The following FMN2 variants were observed in gnomAD, a reference collection of about 807,000 sequenced individuals.
FMN2 encodes formin 2.
FMN2 carries 51 observed loss-of-function variants against 142.3 expected under a neutral mutation model. The ratio of observed to expected loss-of-function variants is 0.36; its 90% CI spans 0.29 to 0.45. The LOEUF (loss-of-function observed/expected upper bound fraction) is 0.45, where lower values mean the gene tolerates loss of function less well. Among genes scored for constraint, FMN2 ranks in the 20% least tolerant of loss-of-function variants. The pLI is 1.00. For missense variants in FMN2, 1,936 were observed against 2,122.8 expected, an observed-to-expected ratio of 0.91 and a Z score of 1.73; for synonymous variants, 882 against 869.8, an observed-to-expected ratio of 1.01 and a Z score of -0.25.
At chr1:240,453,688 C>T (rs182980488) in intron 16 of FMN2, among the ~76,000 whole-genome samples, 1 of 151,852 alleles carries the variant, frequency 6.6e-6, no homozygotes, top group Non-Finnish European at 1.5e-5. Flanking sequence ...AATAATGGTG[C>T]TTAAAAATGG....
chr1:240,464,871 G>A (rs1308998370), intron 16 of FMN2, among the ~76,000 whole-genome samples: 3 of 152,148 alleles, frequency 2.0e-5, no homozygotes, highest in Non-Finnish European at 2.9e-5. Context: ...GAACTACTTT[G>A]TGCTCATTCG....
intron 14 of FMN2, among the ~76,000 whole-genome samples, chr1:240,388,591 TA>T (rs1250617192): frequency 6.6e-6 from 1 of 152,004 alleles, no homozygotes; most frequent in East Asian, 1.9e-4. Flanking sequence ...TTAGGCGTCA[TA>T]AAAATGTTTC....
chr1:240,297,170 G>GGT (rs1338751239), intron 8 of FMN2, among the ~76,000 whole-genome samples: 5 of 151,738 alleles, frequency 3.3e-5, no homozygotes, highest in South Asian at 2.1e-4. Flanking sequence ...GTGTATACAT[G>GGT]GTGTGTGTGT....
At chr1:240,098,895 G>A (rs1230098553) in intron 1 of FMN2, among the ~76,000 whole-genome samples, 1 of 152,182 alleles carries the variant, frequency 6.6e-6, no homozygotes, top group African/African-American at 2.4e-5. Context: ...GGTACTTTTA[G>A]TGCTTTTCCT....
At chr1:240,433,073 C>A (rs1036533541) in intron 15 of FMN2, among the ~76,000 whole-genome samples, 2 of 152,090 alleles carry the variant, frequency 1.3e-5, no homozygotes, top group Admixed American at 1.3e-4. Flanking sequence ...ATATCCAATT[C>A]GATGATGATT....
chr1:240,210,474 G>A (rs1028992808), intron 5 of FMN2, among the ~76,000 whole-genome samples: 2 of 152,146 alleles, frequency 1.3e-5, no homozygotes, highest in South Asian at 2.1e-4. Context: ...TTCATCTTCT[G>A]TGTTGTTACC....
intron 14 of FMN2, among the ~76,000 whole-genome samples, chr1:240,388,290 C>G (rs1673479189): frequency 6.9e-6 from 1 of 144,142 alleles, no homozygotes; most frequent in African/African-American, 2.7e-5. Flanking sequence ...AATTATTACC[C>G]TGCTTTAATG....
At chr1:240,211,306 C>G in intron 6 of FMN2, 71 bp downstream of exon 6, 1 of 1,488,098 alleles carries the variant, frequency 6.7e-7, no homozygotes, top group Non-Finnish European at 9.2e-7. Flanking sequence ...TTAGAGAAAA[C>G]TTTGAAATAG....
intron 15 of FMN2, among the ~76,000 whole-genome samples, chr1:240,421,139 C>T (rs1159437690): frequency 1.3e-5 from 2 of 152,254 alleles, no homozygotes; most frequent in East Asian, 3.9e-4. Context: ...TCACTCACTA[C>T]CCTGAAACAA....
intron 7 of FMN2, among the ~76,000 whole-genome samples, chr1:240,275,124 T>C (rs951766528): frequency 1.1e-4 from 17 of 150,838 alleles, no homozygotes; most frequent in African/African-American, 4.2e-4. Flanking sequence ...AGTTCTGGGA[T>C]ACATGTGCAG....
At chr1:240,432,607 T>G (rs1034498579) in intron 15 of FMN2, among the ~76,000 whole-genome samples, 1 of 152,062 alleles carries the variant, frequency 6.6e-6, no homozygotes, top group African/African-American at 2.4e-5. Context: ...CATTTCTTTT[T>G]AATACATTCA....
chr1:240,151,913 T>A (rs1419646872), intron 2 of FMN2, among the ~76,000 whole-genome samples: 1 of 152,096 alleles, frequency 6.6e-6, no homozygotes, highest in Non-Finnish European at 1.5e-5. Context: ...ACTGCAGATG[T>A]GCACCACCTA....
intron 15 of FMN2, among the ~76,000 whole-genome samples, chr1:240,401,515 A>G (rs1204238089): frequency 6.6e-6 from 1 of 152,234 alleles, no homozygotes; most frequent in Non-Finnish European, 1.5e-5. Context: ...TTCTGTTTTT[A>G]TCTCAGTGAT....
rs118010737 is a variant in FMN2, at chr1:240,406,916, G to A, written c.4910+14354G>A. On this transcript the variant is annotated intron_variant, in intron 15 of 17. Transcript: ENST00000319653. ...TAACCATCCTGAAAAGAGAAAATTT[G>A]GAGTATATTGAGTGAACTTGTTTAA... is the stretch of plus-strand genomic sequence containing the variant. Among the ~76,000 whole-genome samples, 19 of 152,258 alleles carry A rather than the reference G, an allele frequency of 1.2e-4. No homozygotes were observed. The East Asian group carries it at 3.7e-3, about 29-fold the overall frequency.
chr1:240,221,488 A>G (rs1262174025), intron 6 of FMN2, among the ~76,000 whole-genome samples: 1 of 151,980 alleles, frequency 6.6e-6, no homozygotes, highest in African/African-American at 2.4e-5. Flanking sequence ...GCTTTTTTTC[A>G]TATGTTTATT....
intron 15 of FMN2, among the ~76,000 whole-genome samples, chr1:240,406,069 A>G (rs114940151): frequency 0.019 from 1,791 of 96,676 alleles, 134 homozygotes; most frequent in African/African-American, 0.073. Context: ...AATCAGCCTC[A>G]GGAGTGGGGG....
intron 2 of FMN2, among the ~76,000 whole-genome samples, chr1:240,142,290 A>G (rs941245083): frequency 2.0e-5 from 3 of 152,144 alleles, no homozygotes; most frequent in African/African-American, 7.2e-5. Flanking sequence ...TAAAGCTGCT[A>G]GTGCAAAGCC....
intron 7 of FMN2, among the ~76,000 whole-genome samples, chr1:240,283,186 G>A (rs35824765): frequency 0.14 from 20,621 of 151,920 alleles, 1,488 homozygotes; most frequent in African/African-American, 0.19. Flanking sequence ...AGATTAATTA[G>A]AACAGTAATT....
chr1:240,273,242 C>T (rs1669081533), intron 7 of FMN2, among the ~76,000 whole-genome samples: 1 of 152,156 alleles, frequency 6.6e-6, no homozygotes, highest in Non-Finnish European at 1.5e-5. Context: ...TTAAGATAGA[C>T]AATAGCTGAT....
Sources: allele counts gnomAD v4.1 joint callset (sites outside exome capture counted in the v4.1 genomes callset), GRCh38; gene constraint gnomAD v4.1.1; transcripts MANE v1.5; gene names NCBI Gene and HGNC (gene_info 2026-07-23, HGNC 2026-07-21).